LRRC75B: variants seen among roughly 807,000 people sequenced by gnomAD.
LRRC75B encodes the protein leucine rich repeat containing 75B, also known as leucine-rich repeat-containing protein 75B.
In LRRC75B, 20 loss-of-function variants were observed where a neutral mutation model predicts 16.5. That is an observed-to-expected ratio of 1.21 (90% confidence interval 0.85 to 1.76). LRRC75B has a LOEUF of 1.76. Ranked by LOEUF, LRRC75B falls within the 40% of genes most tolerant of loss-of-function variation. The pLI, the probability that LRRC75B is intolerant of heterozygous loss-of-function variation, is 0.00. For missense variants in LRRC75B, 406 were observed against 417.0 expected, an observed-to-expected ratio of 0.97 and a Z score of 0.23; for synonymous variants, 199 against 198.1, an observed-to-expected ratio of 1.00 and a Z score of -0.04.
intron 2 of LRRC75B, chr22:24,588,544 C>T: frequency 2.6e-6 from 2 of 768,400 alleles, no homozygotes; most frequent in Non-Finnish European, 2.0e-6. Flanking sequence ...GCTGGACAGG[C>T]TGGTCCAGTC....
chr22:24,586,332 C>A lies in LRRC75B; in HGVS notation c.502G>T (p.Val168Leu). ...CTCAGGTAGCGTGTGATGTGTTGCA[C>A]GTCCTGTGTCGACAGCGGGATGCCT... Reference protein sequence around the residue: ...LSGIPLSTQDVQHITRYLSSH... With the variant: ...LSGIPLSTQDLQHITRYLSSH... The change falls in exon 4 of 4, where the codon GTG (valine) becomes TTG (leucine). Residue 168 changes from valine (V) to leucine (L), a missense_variant. Val to Leu is a conservative substitution (Grantham distance 32, BLOSUM62 1). Transcript: ENST00000318753. 6.2e-7 allele frequency: 1 copy of A among 1,613,966 alleles called. No homozygotes were observed. Among genetic ancestry groups the A allele is most frequent in the African/African-American group, 1.3e-5 (1 of 75,076 alleles).
At chr22:24,586,462 C>A in intron 3 of LRRC75B, 51 bp from the exon 4 acceptor site, 2 of 1,559,500 alleles carry the variant, frequency 1.3e-6, no homozygotes, top group Non-Finnish European at 1.7e-6. Context: ...GCAGTCCCCC[C>A]ACTGACCACA....
chr22:24,590,353 A>G (rs574390087), intron 1 of LRRC75B, among the ~76,000 whole-genome samples: 2 of 152,148 alleles, frequency 1.3e-5, no homozygotes, highest in Non-Finnish European at 2.9e-5. Flanking sequence ...ACTGGTCTCA[A>G]ACTCCTGGGC....
intron 3 of LRRC75B, among the ~76,000 whole-genome samples, chr22:24,587,855 C>A (rs952243453): frequency 4.6e-5 from 7 of 152,284 alleles, no homozygotes; most frequent in Non-Finnish European, 1.0e-4. Context: ...CTGCCTCCCC[C>A]GCAACCTGTT....
chr22:24,585,689 A>G lies in LRRC75B; in HGVS notation c.*197T>C. 1 of 639,866 alleles carries G rather than the reference A, an allele frequency of 1.6e-6. No individual in the cohort carries two copies. The highest frequency in any genetic ancestry group is 2.8e-5 in the East Asian group (1 of 35,934). 39.6% of individuals were successfully genotyped at this position (639,866 alleles called of 1,614,324 possible). A position where few individuals can be genotyped will look rare whatever the true frequency, so the allele number is the denominator to read the frequency against. ...CACTGTGGGTGCTGGGGCCCCTCCCACTGAGGGAAGGCTGAGCCTCTAGCC... is the reference window on the plus strand; with the variant it reads ...CACTGTGGGTGCTGGGGCCCCTCCCGCTGAGGGAAGGCTGAGCCTCTAGCC... On this transcript the variant is annotated 3_prime_UTR_variant, in exon 4 of 4. Transcript: ENST00000318753.
At chr22:24,586,652 C>T (rs1219015598) in intron 3 of LRRC75B, among the ~76,000 whole-genome samples, 1 of 152,266 alleles carries the variant, frequency 6.6e-6, no homozygotes, top group Non-Finnish European at 1.5e-5. Context: ...CTGCTTCAGC[C>T]TCCCAAGTAG....
rs372512528 is a variant in LRRC75B, at chr22:24,585,870, C to T, written c.*16G>A. On this transcript the variant is annotated 3_prime_UTR_variant, in exon 4 of 4. Coordinates refer to ENST00000318753, the MANE Select transcript of LRRC75B (RefSeq NM_207644.3). The stretch of plus-strand genomic sequence containing the variant: ...AGCATCACAAGTCAGTAGCAATGAG[C>T]CAGGTGGGTGGTGGGTCACCTGGCA... 4.2e-5 allele frequency: 65 copies of T among 1,559,008 alleles called. No homozygotes were observed. Among genetic ancestry groups the T allele is most frequent in the Non-Finnish European group, 5.5e-5 (63 of 1,154,384 alleles).
rs532326756 is a variant in LRRC75B, at chr22:24,586,468, C to T, written c.423-57G>A. 4.5e-6 allele frequency: 7 copies of T among 1,544,702 alleles called. No homozygotes were observed. The African/African-American group carries it at 8.1e-5, about 18-fold the overall frequency. On this transcript the variant is annotated intron_variant, in intron 3 of 3. Transcript: ENST00000318753. ...GGCAACCAGGCAGTCCCCCCACTGA[C>T]CACAGACAGTGACCTGTCGGGAACA...
chr22:24,590,916 T>C (rs887362882), intron 1 of LRRC75B, among the ~76,000 whole-genome samples: 2 of 151,998 alleles, frequency 1.3e-5, no homozygotes. Flanking sequence ...TCATCCCTTC[T>C]CTCTCCCCAC....
chr22:24,592,877 G>C lies in LRRC75B; in HGVS notation c.163C>G (p.Arg55Gly). The change falls in exon 1 of 4, where the codon CGC becomes GGC. Residue 55 changes from arginine (R) to glycine (G), a missense_variant. By Grantham distance (125) the Arg-to-Gly change is moderately radical (BLOSUM62 -2). Coordinates refer to ENST00000318753, the MANE Select transcript of LRRC75B (RefSeq NM_207644.3). ...CCTTCTCTCGCCTGGCGCAGGAGGC[G>C]CAGCAGCTGCCGGGCGCGCTCCGGC... ...RRPERARQLL[R>G]LLRQDLGLER... 2 of 1,283,012 alleles carry C rather than the reference G, an allele frequency of 1.6e-6. No individual in the cohort carries two copies. Among genetic ancestry groups the C allele is most frequent in the South Asian group, 4.7e-5 (2 of 42,578 alleles). 79.5% of individuals were successfully genotyped at this position (1,283,012 alleles called of 1,614,324 possible). A position where few individuals can be genotyped will look rare whatever the true frequency, so the allele number is the denominator to read the frequency against.
At chr22:24,588,443 G>GT in intron 2 of LRRC75B, 114 bp from the exon 3 acceptor site, 1 of 842,248 alleles carries the variant, frequency 1.2e-6, no homozygotes, top group Non-Finnish European at 1.9e-6. Context: ...CATGCACCAT[G>GT]CATCACCGAG....
At position 24,589,844 on chromosome 22, in the gene LRRC75B, G is replaced by A. The variant is rs765867399; in HGVS notation, c.283C>T (p.Arg95Trp). The A allele has an allele frequency of 8.7e-6, 14 of 1,613,488 alleles. No homozygotes were observed. Among genetic ancestry groups the A allele is most frequent in the African/African-American group, 4.0e-5 (3 of 74,908 alleles). Residue 95 changes from arginine to tryptophan, a missense_variant, in exon 2 of 4, where the codon CGG (arginine) becomes TGG (tryptophan). Transcript: ENST00000318753. ...ACCTTCTTGGGGCACTGCAGGTCCC[G>A]GGCCAGGTTCACAAGCAGGTCATGG... ...ISHDLLVNLA[R>W]DLQCPKKDYE...
At chr22:24,587,098 T>C (rs1601586293) in intron 3 of LRRC75B, among the ~76,000 whole-genome samples, 1 of 152,322 alleles carries the variant, frequency 6.6e-6, no homozygotes, top group Middle Eastern at 3.4e-3. Context: ...ACTGAGATGC[T>C]CTGACTCTTG....
Position 24,586,176 on chromosome 22 carries a change from G to C in LRRC75B, c.658C>G (p.Leu220Val). 6.2e-7 allele frequency: 1 copy of C among 1,613,672 alleles called. No individual in the cohort carries two copies. Among genetic ancestry groups the C allele is most frequent in the Non-Finnish European group, 8.5e-7 (1 of 1,179,986 alleles). The change falls in exon 4 of 4, where the codon CTG becomes GTG. Residue 220 changes from leucine to valine, a missense_variant. By Grantham distance (32) the Leu-to-Val change is conservative. Coordinates refer to ENST00000318753, the MANE Select transcript of LRRC75B (RefSeq NM_207644.3). ...AGCTTGCGGGCAGTGGCCCGCGTCAGTCGGTTGCCGTTGAGCAGGAGCTGG... is the reference window on the plus strand; with the variant it reads ...AGCTTGCGGGCAGTGGCCCGCGTCACTCGGTTGCCGTTGAGCAGGAGCTGG... ...LTQLLLNGNR[L>V]TRATARKLTD...
At chr22:24,588,138 GTGAGAGTGCAGGTGTCAACC>G in intron 3 of LRRC75B, 56 bp downstream of exon 3, 1 of 1,145,154 alleles carries the variant, frequency 8.7e-7, no homozygotes, top group Non-Finnish European at 1.3e-6. Context: ...CAGCCTCTTG[GTGAGAGTGCAGGTGTCAACC>G]TGAGAAGGGA....
In LRRC75B at chr22:24,586,412, C is replaced by G. The variant is rs1013102670; in HGVS notation, c.423-1G>C. The stretch of plus-strand genomic sequence containing the variant: ...AGTCTTCTGGAGGCTGCTCTTGAGG[C>G]TATGGGAGAGTGGCAGGTGGGGATG... On this transcript the variant is annotated splice_acceptor_variant, in intron 3 of 3. Coordinates refer to ENST00000318753, the MANE Select transcript of LRRC75B (RefSeq NM_207644.3). LOFTEE classifies it high-confidence loss of function. 6.2e-7 allele frequency: 1 copy of G among 1,606,140 alleles called. No individual in the cohort carries two copies. The highest frequency in any genetic ancestry group is 1.3e-5 in the African/African-American group (1 of 74,848).
chr22:24,592,218 T>C, intron 1 of LRRC75B: 5 of 449,198 alleles, frequency 1.1e-5, no homozygotes, highest in South Asian at 7.9e-5. Flanking sequence ...TTAGTGTACC[T>C]GGTGTGTGTA....
At position 24,585,655 on chromosome 22, in the gene LRRC75B, C is replaced by T. The variant is rs532969775; in HGVS notation, c.*231G>A. On this transcript the variant is annotated 3_prime_UTR_variant, in exon 4 of 4. Coordinates refer to ENST00000318753, the MANE Select transcript of LRRC75B (RefSeq NM_207644.3). The stretch of plus-strand genomic sequence containing the variant: ...CAGAGGCGGGTGTCACTCTTTATTG[C>T]GGGGTCCACACTGTGGGTGCTGGGG... 40 of 570,874 alleles carry T rather than the reference C, an allele frequency of 7.0e-5. No individual in the cohort carries two copies. The highest frequency in any genetic ancestry group is 4.2e-4 in the Admixed American group (13 of 31,228). 35.4% of individuals were successfully genotyped at this position (570,874 alleles called of 1,614,324 possible).
At chr22:24,589,100 G>A in intron 2 of LRRC75B, 3 of 1,096,970 alleles carry the variant, frequency 2.7e-6, no homozygotes, top group Non-Finnish European at 3.4e-6. Flanking sequence ...AGAGACCTGG[G>A]CATTCAGAGC....
Sources: gnomAD v4.1 joint callset for allele counts (sites outside exome capture counted in the v4.1 genomes callset) on GRCh38, gnomAD v4.1.1 for gene constraint, MANE v1.5 for transcripts, NCBI Gene and HGNC (gene_info 2026-07-23, HGNC 2026-07-21) for gene names.